The following KCNT2 variants were observed in gnomAD, a reference collection of about 807,000 sequenced individuals.
KCNT2 encodes potassium sodium-activated channel subfamily T member 2.
KCNT2 carries 67 observed loss-of-function variants against 153.8 expected under a neutral mutation model. The observed-to-expected ratio is 0.44, with a 90% CI of 0.36 to 0.53. KCNT2 has a LOEUF of 0.53. Among genes scored for constraint, KCNT2 ranks in the 20% least tolerant of loss-of-function variants. The pLI, the probability that KCNT2 is intolerant of heterozygous loss-of-function variation, is 0.00. For synonymous variants in KCNT2, 500 were observed against 458.8 expected, an observed-to-expected ratio of 1.09 and a Z score of -1.15; for missense variants, 975 against 1,354.8, an observed-to-expected ratio of 0.72 and a Z score of 4.40.
chr1:196,608,032 T>C (rs552312647), intron 1 of KCNT2, among the ~76,000 whole-genome samples, 183 bp downstream of exon 1: 2 of 152,278 alleles, frequency 1.3e-5, no homozygotes, highest in East Asian at 1.9e-4. Context: ...TCCTTATCTA[T>C]AGCAACAGTT....
At chr1:196,601,329 A>G (rs1029881185) in intron 1 of KCNT2, among the ~76,000 whole-genome samples, 11 of 152,202 alleles carry the variant, frequency 7.2e-5, no homozygotes, top group Admixed American at 5.2e-4. Context: ...ATTCTCCTTT[A>G]TAGCCTAGCA....
chr1:196,339,518 C>CAGAGAGAG (rs1456186234), intron 16 of KCNT2, among the ~76,000 whole-genome samples: 2 of 100,272 alleles, frequency 2.0e-5, no homozygotes, highest in African/African-American at 6.4e-5. Context: ...CACACACACA[C>CAGAGAGAG]ACAGAGAGAG....
intron 1 of KCNT2, among the ~76,000 whole-genome samples, chr1:196,522,939 G>A (rs1229901520): frequency 6.6e-6 from 1 of 152,288 alleles, no homozygotes; most frequent in South Asian, 2.1e-4. Flanking sequence ...ACAAATAAAG[G>A]AATAAAAGCT....
chr1:196,232,796 T>C (rs1654067463), intron 27 of KCNT2, among the ~76,000 whole-genome samples: 1 of 151,630 alleles, frequency 6.6e-6, no homozygotes, highest in Admixed American at 6.6e-5. Flanking sequence ...ATGTTCTTAG[T>C]CTCAAAAGGG....
chr1:196,272,225 A>C (rs1483138058), intron 25 of KCNT2, among the ~76,000 whole-genome samples: 1 of 151,852 alleles, frequency 6.6e-6, no homozygotes, highest in Non-Finnish European at 1.5e-5. Flanking sequence ...GAGTAGCTTA[A>C]AATCCAGCAA....
At chr1:196,469,354 TA>T (rs1677886799) in intron 5 of KCNT2, among the ~76,000 whole-genome samples, 1 of 152,086 alleles carries the variant, frequency 6.6e-6, no homozygotes, top group South Asian at 2.1e-4. Context: ...AAAGTACTAG[TA>T]AAAATAAAAC....
At position 196,305,346 on chromosome 1, in the gene KCNT2, C is replaced by A; in HGVS notation, c.2484-1G>T. ...GATAATACTGAGACTGGAAAACAACCTACATTTCAAAAGAACATTTGCATT... is the reference window on the plus strand; with the variant it reads ...GATAATACTGAGACTGGAAAACAACATACATTTCAAAAGAACATTTGCATT... On this transcript the variant is annotated splice_acceptor_variant, in intron 21 of 27. Coordinates refer to ENST00000294725, the MANE Select transcript of KCNT2 (RefSeq NM_198503.5). LOFTEE classifies it high-confidence loss of function. 1 of 1,534,272 alleles carries A rather than the reference C, an allele frequency of 6.5e-7. No homozygotes were observed. The highest frequency in any genetic ancestry group is 9.0e-7 in the Non-Finnish European group (1 of 1,108,848).
At chr1:196,563,064 C>T (rs1302001594) in intron 1 of KCNT2, among the ~76,000 whole-genome samples, 1 of 151,908 alleles carries the variant, frequency 6.6e-6, no homozygotes, top group African/African-American at 2.4e-5. Context: ...ATAGTAATTA[C>T]TCTACGCCTT....
intron 26 of KCNT2, among the ~76,000 whole-genome samples, chr1:196,251,564 T>C (rs1655974119): frequency 6.6e-6 from 1 of 151,948 alleles, no homozygotes; most frequent in Admixed American, 6.6e-5. Context: ...ACAACTGGAC[T>C]CATGGAGACA....
At chr1:196,346,327 T>A (rs558008790) in intron 14 of KCNT2, among the ~76,000 whole-genome samples, 1 of 152,136 alleles carries the variant, frequency 6.6e-6, no homozygotes, top group Non-Finnish European at 1.5e-5. Context: ...CATTTTTCCA[T>A]TTCTATGATG....
At chr1:196,536,622 T>C (rs1024108204) in intron 1 of KCNT2, among the ~76,000 whole-genome samples, 3 of 152,214 alleles carry the variant, frequency 2.0e-5, no homozygotes, top group African/African-American at 2.4e-5. Context: ...ATACTCAGCA[T>C]ACTCCACTGG....
chr1:196,407,936 A>G (rs539402673), intron 12 of KCNT2, among the ~76,000 whole-genome samples: 1 of 151,544 alleles, frequency 6.6e-6, no homozygotes, highest in East Asian at 2.0e-4. Context: ...GTGTGAATAA[A>G]CATTAGACAG....
rs115584973 is a variant in KCNT2 at position 196,387,138 on chromosome 1, A to T, written c.1294+11425T>A. Among the ~76,000 whole-genome samples the T allele has an allele frequency of 5.9e-3, 905 of 152,152 alleles. 14 individuals are homozygous for T. Among genetic ancestry groups the T allele is most frequent in the African/African-American group, 0.021 (854 of 41,552 alleles). ...ATATGCAAAAATCTATAAGTAAATT[A>T]AAAATAATAATCATCCACAAACCCA... is the stretch of plus-strand genomic sequence containing the variant. On this transcript the variant is annotated intron_variant, in intron 13 of 27. Coordinates refer to ENST00000294725, the MANE Select transcript of KCNT2 (RefSeq NM_198503.5).
intron 12 of KCNT2, among the ~76,000 whole-genome samples, chr1:196,408,773 A>T (rs1176748205): frequency 6.6e-6 from 1 of 151,642 alleles, no homozygotes; most frequent in Non-Finnish European, 1.5e-5. Context: ...ATTCTCTGCT[A>T]TATCTTTTCT....
intron 16 of KCNT2, among the ~76,000 whole-genome samples, chr1:196,337,973 G>C (rs770506785): frequency 1.3e-5 from 2 of 152,116 alleles, no homozygotes; most frequent in East Asian, 3.9e-4. Context: ...ACTTACACGA[G>C]AGTTCTTGGT....
chr1:196,331,184 A>G lies in KCNT2; in HGVS notation c.2075T>C (p.Val692Ala). 1 of 1,607,112 alleles carries G rather than the reference A, an allele frequency of 6.2e-7. No homozygotes were observed. The highest frequency in any genetic ancestry group is 8.5e-7 in the Non-Finnish European group (1 of 1,173,976). Residue 692 changes from valine (V) to alanine (A), a missense_variant, in exon 18 of 28, where the codon GTA becomes GCA. Physicochemically the swap from Val to Ala is moderately conservative, Grantham distance 64. Around this residue, in one of 6 missense-constraint regions of KCNT2, gnomAD observed 325 missense variants for 388.1 expected, o/e 0.84. Coordinates refer to ENST00000294725, the MANE Select transcript of KCNT2 (RefSeq NM_198503.5). ...PTFCHLLHEK[V>A]PFCCLRLDKS... Reference sequence around the variant, plus strand: ...GTCTAATCTTAAGCAGCAAAATGGTACTTTTTCATGAAGGAGATGACAAAA... The same window carrying G: ...GTCTAATCTTAAGCAGCAAAATGGTGCTTTTTCATGAAGGAGATGACAAAA...
intron 15 of KCNT2, 99 bp from the exon 16 acceptor site, chr1:196,340,669 A>G (rs1430137017): frequency 4.2e-6 from 3 of 717,980 alleles, no homozygotes; most frequent in Non-Finnish European, 6.6e-6. Context: ...AAAGCTTGAA[A>G]TGATCCTAGA....
At chr1:196,558,107 C>G (rs770569710) in intron 1 of KCNT2, among the ~76,000 whole-genome samples, 2 of 150,804 alleles carry the variant, frequency 1.3e-5, no homozygotes, top group Non-Finnish European at 3.0e-5. Flanking sequence ...AATTGTAAGC[C>G]GATATTAAGA....
chr1:196,382,405 C>T (rs528274577), intron 13 of KCNT2, among the ~76,000 whole-genome samples: 1 of 151,938 alleles, frequency 6.6e-6, no homozygotes, highest in Non-Finnish European at 1.5e-5. Flanking sequence ...CCGCGCCCGG[C>T]CTGTTTAACC....
Sources: gnomAD v4.1 joint callset for allele counts (sites outside exome capture counted in the v4.1 genomes callset) on GRCh38, gnomAD v4.1.1 for gene constraint, gnomAD v4.1.1 regional missense constraint, MANE v1.5 for transcripts, NCBI Gene and HGNC (gene_info 2026-07-23, HGNC 2026-07-21) for gene names.